The following AGBL1 variants were observed in gnomAD, a reference collection of about 807,000 sequenced individuals.
AGBL1 encodes the protein cytosolic carboxypeptidase 4.
In AGBL1, 130 loss-of-function variants were observed where a neutral mutation model predicts 118.9. The ratio of observed to expected loss-of-function variants is 1.09; its 90% CI spans 0.95 to 1.26. AGBL1 has a LOEUF of 1.26. Ranked by LOEUF, AGBL1 falls within the 50% of genes most tolerant of loss-of-function variation. The pLI is 0.00. For missense variants in AGBL1, 1,584 were observed against 1,298.1 expected (o/e 1.22, Z -3.38); for synonymous variants, 555 against 478.9 (o/e 1.16, Z -2.08).
At chr15:86,675,339 CTGTTAGGTGGCTGT>C (rs1287928767) in intron 22 of AGBL1, among the ~76,000 whole-genome samples, 1 of 152,126 alleles carries the variant, frequency 6.6e-6, no homozygotes, top group Admixed American at 6.5e-5. Context: ...CCTCCTGTTC[CTGTTAGGTGGCTGT>C]TGCAGTGTGA....
At chr15:86,795,650 T>C (rs1596488209) in intron 22 of AGBL1, among the ~76,000 whole-genome samples, 1 of 150,652 alleles carries the variant, frequency 6.6e-6, no homozygotes, top group East Asian at 2.0e-4. Flanking sequence ...AATGGCGCGA[T>C]CTCAGTTCAT....
At chr15:86,348,771 G>A (rs576798570) in intron 17 of AGBL1, among the ~76,000 whole-genome samples, 12 of 110,782 alleles carry the variant, frequency 1.1e-4, no homozygotes, top group African/African-American at 4.8e-4. Flanking sequence ...GAGCGCGACT[G>A]TCTCAAAAGA....
chr15:86,571,064 C>G (rs746459650), intron 21 of AGBL1, among the ~76,000 whole-genome samples: 1 of 152,118 alleles, frequency 6.6e-6, no homozygotes, highest in African/African-American at 2.4e-5. Context: ...GGCTCTTGGC[C>G]GAGCTGTGGC....
intron 23 of AGBL1, chr15:86,987,848 C>A: frequency 1.2e-6 from 1 of 800,670 alleles, no homozygotes. Context: ...CCTTATGTTG[C>A]TGGTATCTTA....
At chr15:86,211,534 G>C (rs1639894994) in intron 5 of AGBL1, among the ~76,000 whole-genome samples, 1 of 152,180 alleles carries the variant, frequency 6.6e-6, no homozygotes, top group Non-Finnish European at 1.5e-5. Context: ...ACCCACTCAA[G>C]CCTCAGCAAT....
At position 86,915,848 on chromosome 15, in the gene AGBL1, A is replaced by C. The variant is rs1006429746; in HGVS notation, c.*8554A>C. On this transcript the variant is annotated 3_prime_UTR_variant, in exon 23 of 23. Coordinates refer to ENST00000614907, the MANE Select transcript of AGBL1 (RefSeq NM_001386094.1). ...CCGTTGCCTCAGTAACCTCTTACGC[A>C]TGGAGAGCAGAGCTGCAGGAAAGCA... 2 of 152,238 alleles carry C rather than the reference A, an allele frequency of 1.3e-5. No homozygotes were observed. Among genetic ancestry groups the C allele is most frequent in the Non-Finnish European group, 2.9e-5 (2 of 68,078 alleles). The allele number at this position is 152,238 out of a possible 1,614,324, so 9.4% of individuals were successfully genotyped here.
chr15:86,537,737 G>A (rs1164322805), intron 19 of AGBL1, among the ~76,000 whole-genome samples: 5 of 152,132 alleles, frequency 3.3e-5, no homozygotes, highest in South Asian at 2.1e-4. Flanking sequence ...TTTCTAATGG[G>A]TCCATCTGCA....
chr15:86,537,620 G>A (rs543154901), intron 19 of AGBL1, among the ~76,000 whole-genome samples: 1 of 152,330 alleles, frequency 6.6e-6, no homozygotes, highest in Admixed American at 6.5e-5. Flanking sequence ...CGAATTGAGA[G>A]TTTTGTTATA....
At chr15:86,607,831 T>C (rs566980540) in intron 21 of AGBL1, among the ~76,000 whole-genome samples, 1 of 152,318 alleles carries the variant, frequency 6.6e-6, no homozygotes, top group South Asian at 2.1e-4. Context: ...GAATGTGCTA[T>C]AGAGGAACAA....
chr15:86,250,072 A>G (rs942656246), intron 7 of AGBL1, among the ~76,000 whole-genome samples: 4 of 152,154 alleles, frequency 2.6e-5, no homozygotes, highest in Admixed American at 1.3e-4. Context: ...TGCAAGTATG[A>G]TATGGAAAAG....
At chr15:86,237,838 G>T (rs1390763556) in intron 6 of AGBL1, among the ~76,000 whole-genome samples, 1 of 152,132 alleles carries the variant, frequency 6.6e-6, no homozygotes, top group Non-Finnish European at 1.5e-5. Context: ...GTCTCAAAAT[G>T]GTGGGGGGTC....
Position 86,804,532 on chromosome 15 carries a change from T to A in AGBL1, c.3159-102555T>A, listed in dbSNP as rs568168401. ...ACAACAAATCTGGCCTCAGGAAAAA[T>A]GCAAAATGGAAGGAAGCGAAGCCAA... On this transcript the variant is annotated intron_variant, in intron 22 of 22. Transcript: ENST00000614907. 7.9e-5 allele frequency among the ~76,000 whole-genome samples: 12 copies of A among 151,994 alleles called. No homozygotes were observed. In the East Asian group the frequency reaches 2.3e-3, roughly 30 times the overall value.
chr15:86,542,574 G>T (rs1194837863), intron 19 of AGBL1, among the ~76,000 whole-genome samples: 1 of 151,914 alleles, frequency 6.6e-6, no homozygotes, highest in Admixed American at 6.6e-5. Flanking sequence ...CACCATGTTG[G>T]CCAGGCTGGT....
intron 18 of AGBL1, among the ~76,000 whole-genome samples, chr15:86,433,607 A>G (rs1241600706): frequency 6.6e-6 from 1 of 152,130 alleles, no homozygotes; most frequent in Admixed American, 6.5e-5. Flanking sequence ...TTTAAAGCCC[A>G]GTAGGGATGT....
At chr15:86,282,941 A>G (rs2079378552) in intron 16 of AGBL1, among the ~76,000 whole-genome samples, 1 of 152,216 alleles carries the variant, frequency 6.6e-6, no homozygotes, top group African/African-American at 2.4e-5. Flanking sequence ...ACGTGACTAC[A>G]ATTTTGAAAC....
chr15:86,375,436 C>CA (rs2081029286), intron 17 of AGBL1, among the ~76,000 whole-genome samples: 1 of 152,090 alleles, frequency 6.6e-6, no homozygotes, highest in Non-Finnish European at 1.5e-5. Context: ...GTCACCCCCC[C>CA]ACCAGGTCCC....
At chr15:86,145,636 G>A (rs1017954776) in intron 3 of AGBL1, among the ~76,000 whole-genome samples, 1 of 152,196 alleles carries the variant, frequency 6.6e-6, no homozygotes, top group African/African-American at 2.4e-5. Flanking sequence ...TGCTGATAAT[G>A]ATGGAGAACT....
At chr15:86,529,783 A>C (rs919963841) in intron 19 of AGBL1, among the ~76,000 whole-genome samples, 3 of 151,978 alleles carry the variant, frequency 2.0e-5, no homozygotes, top group African/African-American at 7.3e-5. Flanking sequence ...TGCAAGCCAG[A>C]AGAGACTGGG....
rs376423373 is a variant in AGBL1, at chr15:86,475,215, A to C, written c.2556-47595A>C. Among the ~76,000 whole-genome samples the C allele has an allele frequency of 1.7e-4, 26 of 152,334 alleles. No individual in the cohort carries two copies. The South Asian group carries it at 2.3e-3, about 13-fold the overall frequency. ...ACTCATTGCCAGCAACGGAACAAAG[A>C]TGGACAGAGAATGACTTTGACGCGC... On this transcript the variant is annotated intron_variant, in intron 18 of 22. Transcript: ENST00000614907.
Sources: allele counts gnomAD v4.1 joint callset (sites outside exome capture counted in the v4.1 genomes callset), GRCh38; gene constraint gnomAD v4.1.1; transcripts MANE v1.5; gene names NCBI Gene and HGNC (gene_info 2026-07-23, HGNC 2026-07-21).